Variants in TAF4 observed in about 807,000 individuals in gnomAD.
The protein encoded by TAF4 is TATA-box binding protein associated factor 4.
In TAF4, 9 loss-of-function variants were observed where a neutral mutation model predicts 90.3. The observed-to-expected ratio is 0.10, with a 90% CI of 0.06 to 0.17. The LOEUF (loss-of-function observed/expected upper bound fraction) is 0.17, where lower values mean the gene tolerates loss of function less well. Ranked by LOEUF, TAF4 falls within the 10% of genes least tolerant of loss-of-function variation. The pLI is 1.00. For synonymous variants in TAF4, 818 were observed against 638.9 expected (o/e 1.28, Z -4.23); for missense variants, 1,351 against 1,370.7 (o/e 0.99, Z 0.23).
At chr20:61,984,843 T>C (rs1393708181) in intron 14 of TAF4, among the ~76,000 whole-genome samples, 1 of 137,990 alleles carries the variant, frequency 7.2e-6, no homozygotes, top group Non-Finnish European at 1.5e-5. Context: ...AGAAACGGGA[T>C]GCAAAAATGG....
At chr20:61,998,643 G>C (rs1287494020) in intron 12 of TAF4, among the ~76,000 whole-genome samples, 1 of 152,140 alleles carries the variant, frequency 6.6e-6, no homozygotes, top group East Asian at 1.9e-4. Context: ...GCAGTGCCTC[G>C]CCTGGCTGTG....
chr20:62,006,279 TG>T lies in TAF4; in HGVS notation c.2223+230del. On this transcript the variant is annotated intron_variant, in intron 7 of 14. Transcript: ENST00000252996. The surrounding 1 kb of genome is among the most constrained non-coding windows in gnomAD (Gnocchi z 7.0). ...ACAAGGCAGGGCGGGGACGTGCCGG[TG>T]GTTCAAAGCCAACTCAACTATTTCA... 4.0e-6 allele frequency: 2 copies of T among 494,842 alleles called. No individual in the cohort carries two copies. The highest frequency in any genetic ancestry group is 6.4e-6 in the Non-Finnish European group (2 of 314,402). The allele number at this position is 494,842 out of a possible 1,614,324, so 30.7% of individuals were successfully genotyped here.
chr20:61,983,874 A>T (rs952047550), intron 14 of TAF4, among the ~76,000 whole-genome samples: 1 of 152,166 alleles, frequency 6.6e-6, no homozygotes, highest in African/African-American at 2.4e-5. Context: ...GATCTCAGGG[A>T]TTGTAGGCTG....
intron 1 of TAF4, among the ~76,000 whole-genome samples, chr20:62,054,598 C>G (rs2056050068): frequency 6.6e-6 from 1 of 152,156 alleles, no homozygotes; most frequent in Non-Finnish European, 1.5e-5. Flanking sequence ...ACCCTTCCTG[C>G]AACCTCCTCC....
intron 3 of TAF4, among the ~76,000 whole-genome samples, chr20:62,011,116 T>G (rs2055775519): frequency 6.6e-6 from 1 of 152,016 alleles, no homozygotes; most frequent in Non-Finnish European, 1.5e-5. Flanking sequence ...TCCAGAGGGG[T>G]GCGGATGGGC....
chr20:61,982,142 C>T (rs1211528383), intron 14 of TAF4, among the ~76,000 whole-genome samples: 32 of 71,934 alleles, frequency 4.4e-4, no homozygotes, highest in Middle Eastern at 9.3e-3. Context: ...CATACCCACC[C>T]TAGAAGAGAC....
intron 1 of TAF4, among the ~76,000 whole-genome samples, chr20:62,039,268 A>G (rs916096450): frequency 3.3e-5 from 5 of 152,194 alleles, no homozygotes; most frequent in African/African-American, 4.8e-5. Context: ...ATGAGTGGAC[A>G]GAACACATCC....
chr20:61,994,119 G>A (rs1286347337), intron 14 of TAF4, among the ~76,000 whole-genome samples: 1 of 151,064 alleles, frequency 6.6e-6, no homozygotes, highest in East Asian at 1.9e-4. Flanking sequence ...AAAAAAAAAA[G>A]GCTAATCAAT....
At chr20:62,050,391 C>G (rs1345108910) in intron 1 of TAF4, among the ~76,000 whole-genome samples, 1 of 152,152 alleles carries the variant, frequency 6.6e-6, no homozygotes. Context: ...ACCTCTGCCC[C>G]ATAGGAGGCA....
At position 62,000,534 on chromosome 20, in the gene TAF4, C is replaced by A; in HGVS notation, c.2656+18G>T. 6.2e-7 allele frequency: 1 copy of A among 1,606,942 alleles called. No homozygotes were observed. Among genetic ancestry groups the A allele is most frequent in the South Asian group, 1.1e-5 (1 of 90,628 alleles). ...CGCAGCTGTTTAATAAGAACTCAGT[C>A]ATTAAACACCAACGTACCTATTTCT... On this transcript the variant is annotated intron_variant, in intron 10 of 14. Transcript: ENST00000252996.
intron 1 of TAF4, among the ~76,000 whole-genome samples, chr20:62,052,380 C>G (rs1298283076): frequency 6.6e-6 from 1 of 152,090 alleles, no homozygotes; most frequent in Non-Finnish European, 1.5e-5. Flanking sequence ...CCTTTGACCC[C>G]CTCACCACAG....
chr20:62,009,292 C>G, intron 4 of TAF4, 118 bp from the exon 5 acceptor site: 1 of 1,124,762 alleles, frequency 8.9e-7, no homozygotes, highest in Non-Finnish European at 1.2e-6. Context: ...CTCTAAACTT[C>G]TTTCAAGAAA....
At chr20:62,001,312 C>T (rs542314961) in intron 9 of TAF4, among the ~76,000 whole-genome samples, 4 of 152,312 alleles carry the variant, frequency 2.6e-5, no homozygotes, top group South Asian at 2.1e-4. Flanking sequence ...GGACAGTCTG[C>T]ATCCCAATCC....
Position 62,010,216 on chromosome 20 carries a change from C to T in TAF4, c.1642-51G>A, listed in dbSNP as rs201080218. On this transcript the variant is annotated intron_variant, in intron 3 of 14. Transcript: ENST00000252996. This position sits in a 1 kb window ranked among gnomAD's most constrained non-coding sequence, Gnocchi z 4.5. ...AAGGGCATCTCACGCCACCAGCTGA[C>T]GAGGGGGAGACCAGCCTCACGCCCA... 46 of 1,611,626 alleles carry T rather than the reference C, an allele frequency of 2.9e-5. No homozygotes were observed. Among genetic ancestry groups the T allele is most frequent in the Middle Eastern group, 1.7e-4 (1 of 6,048 alleles).
At chr20:62,049,615 C>T (rs970613923) in intron 1 of TAF4, among the ~76,000 whole-genome samples, 8 of 152,188 alleles carry the variant, frequency 5.3e-5, no homozygotes, top group African/African-American at 1.7e-4. Context: ...AGAAGCACCA[C>T]GGCCCAGATC....
Position 62,000,852 on chromosome 20 carries a change from A to C in TAF4, c.2487-131T>G, listed in dbSNP as rs2055695902. The C allele has an allele frequency of 1.5e-5, 13 of 866,274 alleles. 1 individual carries two copies. The highest frequency in any genetic ancestry group is 3.5e-4 in the Middle Eastern group (1 of 2,880). 53.7% of individuals were successfully genotyped at this position (866,274 alleles called of 1,614,324 possible). ...GAGGCCAGGCCTCTGTCCTCCCCGC[A>C]CCTGCACCTGCTGCATCTGCCACAG... On this transcript the variant is annotated intron_variant, in intron 9 of 14. Transcript: ENST00000252996.
chr20:61,995,581 G>GATGAAAGACACTGACCTACAGATCTGTGA (rs150463354), intron 14 of TAF4, among the ~76,000 whole-genome samples: 1 of 80,464 alleles, frequency 1.2e-5, no homozygotes, highest in African/African-American at 5.9e-5. Flanking sequence ...AAAAAAATTT[G>GATGAAAGACACTGACCTACAGATCTGTGA]AGCCGGGCGC....
intron 4 of TAF4, 140 bp downstream of exon 4, chr20:62,009,906 G>T (rs2055768468): frequency 3.6e-6 from 5 of 1,379,624 alleles, no homozygotes; most frequent in Non-Finnish European, 3.9e-6. Flanking sequence ...GCTCACGTGG[G>T]CCCCAGACTG....
chr20:61,977,514 C>G lies in TAF4; in HGVS notation c.3091-1179G>C, dbSNP rs557226535. 4.6e-4 allele frequency among the ~76,000 whole-genome samples: 70 copies of G among 152,344 alleles called. 3 individuals are homozygous for G. The South Asian group carries it at 7.9e-3, about 17-fold the overall frequency. ...GCCCCTCATGCCGTCCTTCCTCCCC[C>G]CTTCCCCGTTCTGCCACTTTCAGTT... On this transcript the variant is annotated intron_variant, in intron 14 of 14. Transcript: ENST00000252996.
Sources: gnomAD v4.1 joint callset for allele counts (sites outside exome capture counted in the v4.1 genomes callset) on GRCh38, gnomAD v4.1.1 for gene constraint, Gnocchi (gnomAD v3.1) non-coding constraint, MANE v1.5 for transcripts, NCBI Gene and HGNC (gene_info 2026-07-23, HGNC 2026-07-21) for gene names.